The following WASHC2C variants were observed in gnomAD, a reference collection of about 807,000 sequenced individuals.
The protein encoded by WASHC2C is WASH complex subunit 2C, also known as Vaccinia Penetration Factor.
In WASHC2C, 73 loss-of-function variants were observed where a neutral mutation model predicts 142.2. That is an observed-to-expected ratio of 0.51 (90% CI 0.43 to 0.62). WASHC2C has a LOEUF of 0.62. Among genes scored for constraint, WASHC2C ranks in the 20% least tolerant of loss-of-function variants. The pLI is 0.00. For synonymous variants in WASHC2C, 337 were observed against 565.5 expected (o/e 0.60, Z 5.73); for missense variants, 969 against 1,531.7 (o/e 0.63, Z 6.13).
intron 13 of WASHC2C, among the ~76,000 whole-genome samples, chr10:45,754,126 C>T (rs2053947715): frequency 6.6e-6 from 1 of 152,162 alleles, no homozygotes; most frequent in Admixed American, 6.5e-5. Context: ...CGTTCATTCT[C>T]ATCCAACTGG....
rs1284999333 is a variant in WASHC2C at position 45,784,283 on chromosome 10, T to TAC, written c.2479-281_2479-280insCA. Among the ~76,000 whole-genome samples, 28 of 8,084 alleles carry TAC rather than the reference T, an allele frequency of 3.5e-3. 1 individual carries two copies. Among genetic ancestry groups the TAC allele is most frequent in the African/African-American group, 6.0e-3 (24 of 3,980 alleles). 5.3% of individuals were successfully genotyped at this position (8,084 alleles called of 152,430 possible). A position where few individuals can be genotyped will look rare whatever the true frequency, so the allele number is the denominator to read the frequency against. On this transcript the variant is annotated intron_variant, in intron 23 of 30. Coordinates refer to ENST00000623400, the MANE Select transcript of WASHC2C (RefSeq NM_001330074.2). ...ATATATATATATATATATATATATA[T>TAC]ATATATACACATATATATATATATA... is the stretch of plus-strand genomic sequence containing the variant.
intron 25 of WASHC2C, 32 bp downstream of exon 25, chr10:45,784,933 T>C: frequency 6.2e-7 from 1 of 1,607,962 alleles, no homozygotes. Flanking sequence ...TACTGGGTTG[T>C]GTGGGAAAGA....
rs1478037992 is a variant in WASHC2C, at chr10:45,765,388, C to T, written c.1738-291C>T. Among the ~76,000 whole-genome samples the T allele has an allele frequency of 3.3e-5, 5 of 150,828 alleles. No individual in the cohort carries two copies. The East Asian group carries it at 8.0e-4, about 24-fold the overall frequency. On this transcript the variant is annotated intron_variant, in intron 18 of 30. Coordinates refer to ENST00000623400, the MANE Select transcript of WASHC2C (RefSeq NM_001330074.2). ...AGAGAGGCACTTGCCCACAGGGTGA[C>T]TGGATGGGGCTCAGTTTCTCCTTGT...
rs537262290 is a variant in WASHC2C, at chr10:45,736,284, T to C, written c.292-1699T>C. On this transcript the variant is annotated intron_variant, in intron 3 of 30. Transcript: ENST00000623400. ...AGCTGGGCATGGTGGCAGGCACCTG[T>C]AGTCCCAGCTACTCAGGAGGCTGAG... is the stretch of plus-strand genomic sequence containing the variant. Among the ~76,000 whole-genome samples, 1,140 of 151,452 alleles carry C rather than the reference T, an allele frequency of 7.5e-3. 10 individuals carry two copies. Among genetic ancestry groups the C allele is most frequent in the Admixed American group, 0.017 (251 of 15,208 alleles).
intron 28 of WASHC2C, 108 bp downstream of exon 28, chr10:45,787,355 G>A: frequency 1.4e-6 from 2 of 1,458,556 alleles, no homozygotes; most frequent in Non-Finnish European, 1.9e-6. Flanking sequence ...CTCTCCTTTT[G>A]AAGGAGGTGC....
At chr10:45,782,755 A>G (rs1554888415) in intron 23 of WASHC2C, among the ~76,000 whole-genome samples, 1 of 151,948 alleles carries the variant, frequency 6.6e-6, no homozygotes. Context: ...ATTTGGTAAT[A>G]AAAAAGGCAA....
chr10:45,745,792 T>A (rs1237699953), intron 7 of WASHC2C, among the ~76,000 whole-genome samples: 1 of 152,076 alleles, frequency 6.6e-6, no homozygotes, highest in South Asian at 2.1e-4. Flanking sequence ...TATTATACTT[T>A]AAGTTTTAGG....
chr10:45,761,423 C>A (rs1554879956), intron 17 of WASHC2C, among the ~76,000 whole-genome samples: 2 of 152,166 alleles, frequency 1.3e-5, no homozygotes, highest in African/African-American at 4.8e-5. Context: ...TGGGGAGAGG[C>A]CATAGGCTCC....
chr10:45,768,445 T>G (rs1554883328), intron 19 of WASHC2C, among the ~76,000 whole-genome samples: 1 of 152,016 alleles, frequency 6.6e-6, no homozygotes, highest in Non-Finnish European at 1.5e-5. Context: ...AGGCACCCTG[T>G]GAAATGCAGG....
Position 45,769,347 on chromosome 10 carries a change from T to C in WASHC2C, c.1870-102T>C, listed in dbSNP as rs540797767. 3.5e-6 allele frequency: 5 copies of C among 1,443,592 alleles called. No homozygotes were observed. The African/African-American group carries it at 7.2e-5, about 21-fold the overall frequency. The allele number at this position is 1,443,592 out of a possible 1,614,324, so 89.4% of individuals were successfully genotyped here. A position where few individuals can be genotyped will look rare whatever the true frequency, so the allele number is the denominator to read the frequency against. ...GTTAGCAAGGATGGTCTTGATCTGCTGATCTCGTGATTCACCCGCCTCGGC... is the reference window on the plus strand; with the variant it reads ...GTTAGCAAGGATGGTCTTGATCTGCCGATCTCGTGATTCACCCGCCTCGGC... On this transcript the variant is annotated intron_variant, in intron 19 of 30. Transcript: ENST00000623400.
At chr10:45,728,378 C>T (rs1275153588) in intron 2 of WASHC2C, among the ~76,000 whole-genome samples, 5 of 152,126 alleles carry the variant, frequency 3.3e-5, no homozygotes, top group Non-Finnish European at 7.4e-5. Flanking sequence ...TGTCCATTAG[C>T]TCACTGCCAC....
intron 10 of WASHC2C, among the ~76,000 whole-genome samples, chr10:45,751,075 T>G (rs1169880932): frequency 2.0e-5 from 3 of 152,156 alleles, no homozygotes; most frequent in Non-Finnish European, 4.4e-5. Flanking sequence ...GATAACCCTT[T>G]ACATATAATT....
In WASHC2C at chr10:45,763,175, G is replaced by A. The variant is rs1331026860; in HGVS notation, c.1636-213G>A. 2.0e-5 allele frequency among the ~76,000 whole-genome samples: 3 copies of A among 152,158 alleles called. No homozygotes were observed. In the East Asian group the frequency reaches 5.8e-4, roughly 29 times the overall value. On this transcript the variant is annotated intron_variant, in intron 17 of 30. Transcript: ENST00000623400. ...GGGCTCTGCGAGCCCACCAGATCCT[G>A]TAGCTCTCCTCCTCCTTAGCGCCAC...
intron 15 of WASHC2C, among the ~76,000 whole-genome samples, chr10:45,755,912 C>T (rs1159877558): frequency 3.9e-5 from 6 of 152,224 alleles, no homozygotes; most frequent in Non-Finnish European, 8.8e-5. Flanking sequence ...ATTTAGAAGC[C>T]GGCTGTCTGG....
intron 29 of WASHC2C, among the ~76,000 whole-genome samples, 198 bp from the exon 30 acceptor site, chr10:45,790,158 G>A (rs2058313672): frequency 6.6e-6 from 1 of 152,216 alleles, no homozygotes; most frequent in Non-Finnish European, 1.5e-5. Flanking sequence ...TCACTGCAGT[G>A]GCGGCATTTG....
intron 6 of WASHC2C, among the ~76,000 whole-genome samples, chr10:45,744,339 A>G (rs1179149046): frequency 2.0e-5 from 3 of 147,862 alleles, no homozygotes; most frequent in Non-Finnish European, 3.0e-5. Context: ...CATCTCTTGT[A>G]TAATCACAGT....
At chr10:45,751,089 G>A (rs2053532603) in intron 10 of WASHC2C, among the ~76,000 whole-genome samples, 4 of 152,092 alleles carry the variant, frequency 2.6e-5, no homozygotes, top group African/African-American at 7.2e-5. Flanking sequence ...TATAATTTCA[G>A]GGGATTAATG....
intron 17 of WASHC2C, among the ~76,000 whole-genome samples, chr10:45,762,702 G>A (rs1411743490): frequency 7.2e-5 from 11 of 152,118 alleles, no homozygotes; most frequent in African/African-American, 2.4e-4. Context: ...TCAGGAGATC[G>A]AGACCATCCT....
At chr10:45,773,779 A>G (rs2056826823) in intron 21 of WASHC2C, among the ~76,000 whole-genome samples, 1 of 152,136 alleles carries the variant, frequency 6.6e-6, no homozygotes, top group Non-Finnish European at 1.5e-5. Flanking sequence ...GTTATACTCC[A>G]TCAGTGGAGA....
Sources: gnomAD v4.1 joint callset for allele counts (sites outside exome capture counted in the v4.1 genomes callset) on GRCh38, gnomAD v4.1.1 for gene constraint, MANE v1.5 for transcripts, NCBI Gene and HGNC (gene_info 2026-07-23, HGNC 2026-07-21) for gene names.